The following MYOM2 variants were observed in gnomAD, a reference collection of about 807,000 sequenced individuals.
The protein encoded by MYOM2 is myomesin 2, also known as myomesin-2.
Under a neutral mutation model 187.6 loss-of-function variants are expected in MYOM2, and 254 were observed. The observed-to-expected ratio is 1.35, with a 90% CI of 1.22 to 1.50. MYOM2 has a LOEUF of 1.50. Among genes scored for constraint, MYOM2 ranks in the 40% most tolerant of loss-of-function variants. The pLI is 0.00. For missense variants in MYOM2, 2,796 were observed against 1,924.0 expected, an observed-to-expected ratio of 1.45 and a Z score of -8.48; for synonymous variants, 981 against 753.8, an observed-to-expected ratio of 1.30 and a Z score of -4.94.
intron 20 of MYOM2, among the ~76,000 whole-genome samples, chr8:2,101,751 G>A (rs762766418): frequency 3.9e-5 from 6 of 152,078 alleles, no homozygotes; most frequent in Non-Finnish European, 8.8e-5. Context: ...TCCACTTCAC[G>A]CCGGGCATTT....
At chr8:2,085,515 G>GCACCCCACTGTCGTGATCTCTGCATGGCC (rs1819811075) in intron 14 of MYOM2, 125 bp downstream of exon 14, 1 of 771,422 alleles carries the variant, frequency 1.3e-6, no homozygotes. Flanking sequence ...TCTCCGCGTG[G>GCACCCCACTGTCGTGATCTCTGCATGGCC]CCCCCCACTG....
At chr8:2,057,143 A>T (rs1303053811) in intron 3 of MYOM2, among the ~76,000 whole-genome samples, 1 of 152,204 alleles carries the variant, frequency 6.6e-6, no homozygotes, top group African/African-American at 2.4e-5. Context: ...TCTTCTTTAC[A>T]ACTTCATCAT....
At chr8:2,074,506 G>C (rs10094329) in intron 10 of MYOM2, among the ~76,000 whole-genome samples, 225 of 152,170 alleles carry the variant, frequency 1.5e-3, no homozygotes, top group African/African-American at 5.3e-3. Flanking sequence ...CCAGGCTGGA[G>C]TGCAGTGGCG....
rs778957803 is a variant in MYOM2, at chr8:2,109,441, G to T, written c.3090G>T (p.Gly1030=). ...SELAYEIFDK[G]RVRFWLQAEH... ...TAGCTTATGAGATTTTTGATAAGGG[G>T]CGGGTTCGCTTCTGGCTCCAGGCTG... Residue 1030 remains glycine, a synonymous_variant, in exon 25 of 37, where the codon GGG becomes GGT. Transcript: ENST00000262113. 5 of 1,612,596 alleles carry T rather than the reference G, an allele frequency of 3.1e-6. No homozygotes were observed. Among genetic ancestry groups the T allele is most frequent in the Non-Finnish European group, 4.2e-6 (5 of 1,179,378 alleles).
At chr8:2,085,427 C>A in intron 14 of MYOM2, 37 bp downstream of exon 14, 3 of 1,606,470 alleles carry the variant, frequency 1.9e-6, no homozygotes, top group South Asian at 1.1e-5. Context: ...AAGTAGATCT[C>A]TGCATGGCCC....
At chr8:2,047,478 C>A (rs970156477) in intron 1 of MYOM2, among the ~76,000 whole-genome samples, 1 of 152,154 alleles carries the variant, frequency 6.6e-6, no homozygotes, top group Non-Finnish European at 1.5e-5. Context: ...GAGTCAAATG[C>A]GCAGAAGACT....
intron 27 of MYOM2, 89 bp downstream of exon 27, chr8:2,116,364 C>G (rs1585933539): frequency 7.9e-7 from 1 of 1,258,254 alleles, no homozygotes; most frequent in Admixed American, 2.3e-5. Context: ...CTTGCATGAT[C>G]CCAAGCAACC....
chr8:2,110,450 A>G (rs907542040), intron 25 of MYOM2, among the ~76,000 whole-genome samples: 7 of 152,228 alleles, frequency 4.6e-5, no homozygotes, highest in Admixed American at 1.3e-4. Context: ...AGAATATTTG[A>G]GAAGCCAATG....
chr8:2,101,055 G>C lies in MYOM2; in HGVS notation c.2619+1G>C. ...GACAACAGCCAGCCGTTATTTAAAGGTAAGTCTTGGCCGGCTGTGGTGGCT... is the reference window on the plus strand; with the variant it reads ...GACAACAGCCAGCCGTTATTTAAAGCTAAGTCTTGGCCGGCTGTGGTGGCT... On this transcript the variant is annotated splice_donor_variant, in intron 20 of 36. Transcript: ENST00000262113. LOFTEE classifies it high-confidence loss of function. The C allele has an allele frequency of 6.2e-7, 1 of 1,613,988 alleles. No homozygotes were observed. The highest frequency in any genetic ancestry group is 8.5e-7 in the Non-Finnish European group (1 of 1,179,954).
At chr8:2,055,517 C>G (rs887138974) in intron 3 of MYOM2, among the ~76,000 whole-genome samples, 1 of 151,708 alleles carries the variant, frequency 6.6e-6, no homozygotes, top group Non-Finnish European at 1.5e-5. Flanking sequence ...GTGGTCGGAG[C>G]GGGGACAGGG....
At chr8:2,124,368 G>A (rs1025183400) in intron 31 of MYOM2, 151 bp downstream of exon 31, 6 of 718,150 alleles carry the variant, frequency 8.4e-6, no homozygotes, top group Admixed American at 3.2e-5. Flanking sequence ...GTGGTGATCT[G>A]CTGCCGATGA....
At chr8:2,094,116 T>A (rs763251162) in intron 17 of MYOM2, 25 bp downstream of exon 17, 2 of 1,613,628 alleles carry the variant, frequency 1.2e-6, no homozygotes, top group Non-Finnish European at 1.7e-6. Flanking sequence ...GGCTGTTGTG[T>A]GCCGATTGCT....
chr8:2,072,054 G>C (rs560635828), intron 8 of MYOM2, among the ~76,000 whole-genome samples: 5 of 152,194 alleles, frequency 3.3e-5, no homozygotes, highest in Non-Finnish European at 7.3e-5. Context: ...ACCTGGCTAC[G>C]GGTGTTCCAT....
chr8:2,080,316 T>A (rs569395142), intron 13 of MYOM2, among the ~76,000 whole-genome samples: 1 of 152,352 alleles, frequency 6.6e-6, no homozygotes, highest in East Asian at 1.9e-4. Flanking sequence ...TTCTCTCTCC[T>A]AGAGCTGCAG....
At chr8:2,130,213 G>A (rs1306974866) in intron 32 of MYOM2, among the ~76,000 whole-genome samples, 3 of 137,798 alleles carry the variant, frequency 2.2e-5, no homozygotes, top group Admixed American at 1.4e-4. Context: ...TTTAGTTAAC[G>A]CCCGTCAGTA....
rs547480804 is a variant in MYOM2, at chr8:2,094,806, A to C, written c.2125+715A>C. ...TATGTAACTTTGAGACTTTGTTGGTAAATAGTGGTGTTTAACAGTTTTTAT... is the reference window on the plus strand; with the variant it reads ...TATGTAACTTTGAGACTTTGTTGGTCAATAGTGGTGTTTAACAGTTTTTAT... On this transcript the variant is annotated intron_variant, in intron 17 of 36. Transcript: ENST00000262113. Among the ~76,000 whole-genome samples the C allele has an allele frequency of 1.3e-4, 20 of 152,304 alleles. No homozygotes were observed. In the South Asian group the frequency reaches 2.3e-3, roughly 17 times the overall value.
At chr8:2,097,084 G>A in intron 18 of MYOM2, 1 of 977,552 alleles carries the variant, frequency 1.0e-6, no homozygotes, top group African/African-American at 1.7e-5. Context: ...GGACTGTGGG[G>A]AGCCACAGAC....
intron 36 of MYOM2, 137 bp downstream of exon 36, chr8:2,143,593 C>A (rs1442358993): frequency 1.9e-6 from 2 of 1,051,034 alleles, no homozygotes; most frequent in Non-Finnish European, 2.9e-6. Context: ...ACCCAGAGTC[C>A]CCCCCACTTT....
In MYOM2 at chr8:2,085,367, C is replaced by A. The variant is rs766243684; in HGVS notation, c.1621C>A (p.Pro541Thr). 21 of 1,613,080 alleles carry A rather than the reference C, an allele frequency of 1.3e-5. No homozygotes were observed. Among genetic ancestry groups the A allele is most frequent in the Non-Finnish European group, 1.7e-5 (20 of 1,179,778 alleles). Residue 541 changes from proline (P) to threonine (T), a missense_variant, in exon 14 of 37, where the codon CCG (proline) becomes ACG (threonine). Pro to Thr is a conservative substitution (Grantham distance 38). Transcript: ENST00000262113. ...WEPPTPRGKD[P>T]LMYFIEKSVV... ...GCCACCCACTCCCCGTGGCAAGGAC[C>A]CGCTCATGTACTTCATTGAGAAGGT... is the stretch of plus-strand genomic sequence containing the variant.
Sources: gnomAD v4.1 joint callset for allele counts (sites outside exome capture counted in the v4.1 genomes callset) on GRCh38, gnomAD v4.1.1 for gene constraint, MANE v1.5 for transcripts, NCBI Gene and HGNC (gene_info 2026-07-23, HGNC 2026-07-21) for gene names.